The following USF3 variants were observed in gnomAD, a reference collection of about 807,000 sequenced individuals.
USF3 encodes upstream transcription factor family member 3.
Under a neutral mutation model 157.5 loss-of-function variants are expected in USF3, and 29 were observed. The observed-to-expected ratio is 0.18, with a 90% confidence interval of 0.14 to 0.25. The LOEUF (loss-of-function observed/expected upper bound fraction) is 0.25. Ranked by LOEUF, USF3 falls within the 10% of genes least tolerant of loss-of-function variation. The probability of loss-of-function intolerance (pLI) is 1.00; values close to 1 mark genes in which losing one functional copy is unlikely to be tolerated. For missense variants in USF3, 2,381 were observed against 2,667.6 expected (o/e 0.89, Z 2.37); for synonymous variants, 893 against 941.4 (o/e 0.95, Z 0.94).
Position 113,655,549 on chromosome 3 carries a change from G to A in USF3, c.6133C>T (p.Pro2045Ser). 1 of 1,614,120 alleles carries A rather than the reference G, an allele frequency of 6.2e-7. No homozygotes were observed. Among genetic ancestry groups the A allele is most frequent in the Non-Finnish European group, 8.5e-7 (1 of 1,180,010 alleles). Residue 2045 changes from proline to serine, a missense_variant, in exon 7 of 7, where the codon CCA becomes TCA. Physicochemically the swap from Pro to Ser is moderately conservative, Grantham distance 74. Around this residue, in one of 6 missense-constraint regions of USF3, gnomAD observed 770 missense variants for 824.2 expected, o/e 0.93. Coordinates refer to ENST00000316407, the MANE Select transcript of USF3 (RefSeq NM_001009899.4). Reference sequence around the variant, plus strand: ...CCTGAATTATCATTAGGTACTTGTGGGCTATCAGGCATGAAACGAACAATA... The same window carrying A: ...CCTGAATTATCATTAGGTACTTGTGAGCTATCAGGCATGAAACGAACAATA... ...GSIVRFMPDS[P>S]QVPNDNSGPD... is the part of the protein sequence containing the mutation.
At chr3:113,672,282 A>G (rs1707176353) in intron 4 of USF3, among the ~76,000 whole-genome samples, 1 of 151,140 alleles carries the variant, frequency 6.6e-6, no homozygotes, top group Admixed American at 6.6e-5. Context: ...GCACCACCAT[A>G]CCCGGCTAAT....
At chr3:113,693,475 G>A (rs746094657) in intron 1 of USF3, among the ~76,000 whole-genome samples, 12 of 152,068 alleles carry the variant, frequency 7.9e-5, no homozygotes, top group East Asian at 1.9e-4. Context: ...TGAAAAAAAC[G>A]GATGTCTATA....
At chr3:113,672,138 T>C (rs541076862) in intron 4 of USF3, among the ~76,000 whole-genome samples, 2 of 151,464 alleles carry the variant, frequency 1.3e-5, no homozygotes, top group South Asian at 4.2e-4. Flanking sequence ...TCTCTTTCTT[T>C]TTTTTTTTCT....
At position 113,659,164 on chromosome 3, in the gene USF3, G is replaced by C. The variant is rs1482155886; in HGVS notation, c.2518C>G (p.Leu840Val). 6.2e-7 allele frequency: 1 copy of C among 1,614,196 alleles called. No homozygotes were observed. Among genetic ancestry groups the C allele is most frequent in the Admixed American group, 1.7e-5 (1 of 60,020 alleles). Residue 840 changes from leucine (L) to valine (V), a missense_variant, in exon 7 of 7, where the codon CTG becomes GTG. Transcript: ENST00000316407. ...GSAEPPCNDG[L>V]LESFPAVLPS... ...AACACAGCAGGGAAGCTTTCTAGCAGTCCATCATTACAGGGTGGCTCTGCT... is the reference window on the plus strand; with the variant it reads ...AACACAGCAGGGAAGCTTTCTAGCACTCCATCATTACAGGGTGGCTCTGCT...
chr3:113,690,126 GA>G (rs1707651802), intron 1 of USF3, among the ~76,000 whole-genome samples: 1 of 152,148 alleles, frequency 6.6e-6, no homozygotes, highest in Non-Finnish European at 1.5e-5. Context: ...TTTCTCTTAA[GA>G]GATCTATTTC....
At chr3:113,687,266 C>CACACACACA (rs1553702109) in intron 1 of USF3, among the ~76,000 whole-genome samples, 1 of 142,350 alleles carries the variant, frequency 7.0e-6, no homozygotes, top group South Asian at 2.2e-4. Flanking sequence ...CACACACACA[C>CACACACACA]CCCCTTTCTA....
chr3:113,688,879 A>C (rs571537875), intron 1 of USF3, among the ~76,000 whole-genome samples: 1 of 151,992 alleles, frequency 6.6e-6, no homozygotes, highest in African/African-American at 2.4e-5. Context: ...TCTCTACTGA[A>C]AATTAGCTGG....
chr3:113,682,120 T>C (rs1176334065), intron 1 of USF3, among the ~76,000 whole-genome samples: 3 of 152,050 alleles, frequency 2.0e-5, no homozygotes, highest in Non-Finnish European at 4.4e-5. Flanking sequence ...GCCTAGGAGT[T>C]CAAGACCAGC....
rs1947340081 is a variant in USF3, at chr3:113,655,573, T to C, written c.6109A>G (p.Ile2037Val). Residue 2037 changes from isoleucine (I) to valine (V), a missense_variant, in exon 7 of 7, where the codon ATT (isoleucine) becomes GTT (valine). This residue lies in a region of USF3 where 770 missense variants were observed against 824.2 expected (regional missense o/e 0.93). Transcript: ENST00000316407. ...QQPATEKRGS[I>V]VRFMPDSPQV... The stretch of plus-strand genomic sequence containing the variant: ...GGGCTATCAGGCATGAAACGAACAA[T>C]ACTTCCTCTCTTCTCTGTGGCAGGT... The C allele has an allele frequency of 1.2e-6, 2 of 1,614,172 alleles. No individual in the cohort carries two copies. Among genetic ancestry groups the C allele is most frequent in the Admixed American group, 1.7e-5 (1 of 60,020 alleles).
chr3:113,657,717 T>C lies in USF3; in HGVS notation c.3965A>G (p.Glu1322Gly), dbSNP rs2107920650. ...ACGCTTAGCAGAATCCTTACGGCTTTCATGGCTTGGCTTTAAGAGTGGCTC... is the reference window on the plus strand; with the variant it reads ...ACGCTTAGCAGAATCCTTACGGCTTCCATGGCTTGGCTTTAAGAGTGGCTC... ...IQEPLLKPSH[E>G]SRKDSAKRAV... is the part of the protein sequence containing the mutation. The change falls in exon 7 of 7, where the codon GAA becomes GGA. Residue 1322 changes from glutamate to glycine, a missense_variant. This residue lies in a region of USF3 where 1,435 missense variants were observed against 1,550.9 expected (regional missense o/e 0.93). Coordinates refer to ENST00000316407, the MANE Select transcript of USF3 (RefSeq NM_001009899.4). The C allele has an allele frequency of 6.2e-7, 1 of 1,614,184 alleles. No homozygotes were observed. The highest frequency in any genetic ancestry group is 2.2e-5 in the East Asian group (1 of 44,880).
At chr3:113,678,657 CTTA>C (rs749422830) in intron 1 of USF3, among the ~76,000 whole-genome samples, 11 of 152,074 alleles carry the variant, frequency 7.2e-5, no homozygotes, top group Non-Finnish European at 1.6e-4. Context: ...TAATAATTAG[CTTA>C]TTAATAAAGA....
rs760858470 is a variant in USF3, at chr3:113,659,398, T to C, written c.2284A>G (p.Thr762Ala). The change falls in exon 7 of 7, where the codon ACA becomes GCA. Residue 762 changes from threonine to alanine, a missense_variant. Physicochemically the swap from Thr to Ala is moderately conservative, Grantham distance 58 (BLOSUM62 0). This residue lies in a region of USF3 where 1,435 missense variants were observed against 1,550.9 expected (regional missense o/e 0.93). Coordinates refer to ENST00000316407, the MANE Select transcript of USF3 (RefSeq NM_001009899.4). ...SLTTTAAPPV[T>A]TDSSATLAST... is the part of the protein sequence containing the mutation. Reference sequence around the variant, plus strand: ...GCTAGTGTGGCTGAACTATCTGTTGTCACAGGAGGTGCTGCAGTTGTTGTT... The same window carrying C: ...GCTAGTGTGGCTGAACTATCTGTTGCCACAGGAGGTGCTGCAGTTGTTGTT... The C allele has an allele frequency of 1.2e-5, 19 of 1,614,132 alleles. No homozygotes were observed. The highest frequency in any genetic ancestry group is 1.6e-5 in the Non-Finnish European group (19 of 1,180,048).
intron 1 of USF3, among the ~76,000 whole-genome samples, chr3:113,679,559 AC>A (rs1181831347): frequency 6.6e-6 from 1 of 151,892 alleles, no homozygotes; most frequent in Non-Finnish European, 1.5e-5. Context: ...GATTACAGGC[AC>A]CTGGCACCAT....
At chr3:113,671,845 T>C (rs1472790943) in intron 4 of USF3, among the ~76,000 whole-genome samples, 1 of 145,658 alleles carries the variant, frequency 6.9e-6, no homozygotes, top group Non-Finnish European at 1.5e-5. Flanking sequence ...CACAGCTCAC[T>C]GCAGTCTTGA....
At chr3:113,687,259 ACACACACC>A (rs1431469010) in intron 1 of USF3, among the ~76,000 whole-genome samples, 26 of 151,012 alleles carry the variant, frequency 1.7e-4, no homozygotes, top group South Asian at 4.2e-4. Flanking sequence ...ACACACACAC[ACACACACC>A]CCCTTTCTAG....
Position 113,660,928 on chromosome 3 carries a change from T to C in USF3, c.754A>G (p.Thr252Ala). Residue 252 changes from threonine (T) to alanine (A), a missense_variant, in exon 7 of 7, where the codon ACT becomes GCT. By Grantham distance (58) the Thr-to-Ala change is moderately conservative. This residue lies in a region of USF3 where 1,435 missense variants were observed against 1,550.9 expected (regional missense o/e 0.93). Coordinates refer to ENST00000316407, the MANE Select transcript of USF3 (RefSeq NM_001009899.4). The part of the protein sequence containing the change: ...SESESNVLGA[T>A]SGSLIAVSIE... ...GAAACAGCAATCAGTGAGCCACTAG[T>C]GGCACCAAGCACATTTGATTCGCTT... The C allele has an allele frequency of 1.2e-6, 2 of 1,614,220 alleles. No individual in the cohort carries two copies. Among genetic ancestry groups the C allele is most frequent in the East Asian group, 2.2e-5 (1 of 44,892 alleles).
chr3:113,656,015 C>T lies in USF3; in HGVS notation c.5667G>A (p.Arg1889=). 6.2e-7 allele frequency: 1 copy of T among 1,614,168 alleles called. No individual in the cohort carries two copies. Among genetic ancestry groups the T allele is most frequent in the South Asian group, 1.1e-5 (1 of 91,084 alleles). The change falls in exon 7 of 7, where the codon AGG becomes AGA. Residue 1889 remains arginine, a synonymous_variant. Transcript: ENST00000316407. ...AAAAAGGAATATTCAAGGTGCTGTT[C>T]CTGGTGTTAATTGCACCTAACGACA... ...CDMSLGAINT[R]NSTLNIPFSS... is the part of the protein sequence containing the mutation.
At chr3:113,662,078 C>T (rs1947495379) in intron 6 of USF3, among the ~76,000 whole-genome samples, 1 of 152,236 alleles carries the variant, frequency 6.6e-6, no homozygotes, top group Non-Finnish European at 1.5e-5. Context: ...AACTCCTGAC[C>T]TCAAGTGATC....
intron 1 of USF3, among the ~76,000 whole-genome samples, chr3:113,689,508 C>T (rs1166628786): frequency 6.6e-6 from 1 of 152,196 alleles, no homozygotes; most frequent in Admixed American, 6.5e-5. Context: ...ATTATTTGAT[C>T]TGAGAAAAGG....
Sources: gnomAD v4.1 joint callset for allele counts (sites outside exome capture counted in the v4.1 genomes callset) on GRCh38, gnomAD v4.1.1 for gene constraint, gnomAD v4.1.1 regional missense constraint, MANE v1.5 for transcripts, NCBI Gene and HGNC (gene_info 2026-07-23, HGNC 2026-07-21) for gene names.